SEC24B: variants seen among roughly 807,000 people sequenced by gnomAD.
SEC24B encodes the protein SEC24 homolog B, COPII component, also known as protein transport protein Sec24B.
SEC24B carries 45 observed loss-of-function variants against 142.8 expected under a neutral mutation model. The observed-to-expected ratio is 0.32, with a 90% confidence interval of 0.25 to 0.40. The LOEUF (loss-of-function observed/expected upper bound fraction) is 0.40. Among genes scored for constraint, SEC24B ranks in the 10% least tolerant of loss-of-function variants. SEC24B has a pLI of 1.00. For synonymous variants in SEC24B, 574 were observed against 568.2 expected, an observed-to-expected ratio of 1.01 and a Z score of -0.15; for missense variants, 1,409 against 1,526.8, an observed-to-expected ratio of 0.92 and a Z score of 1.29.
chr4:109,487,467 A>G (rs955464051), intron 4 of SEC24B, among the ~76,000 whole-genome samples: 5 of 152,216 alleles, frequency 3.3e-5, no homozygotes, highest in Non-Finnish European at 7.3e-5. Context: ...AAGGACAAGT[A>G]GAAGCCAAAT....
At chr4:109,495,207 T>A (rs1376974927) in intron 6 of SEC24B, among the ~76,000 whole-genome samples, 1 of 152,240 alleles carries the variant, frequency 6.6e-6, no homozygotes, top group Non-Finnish European at 1.5e-5. Flanking sequence ...AAATTTTATA[T>A]TATCAAGCTG....
chr4:109,521,211 A>G, intron 13 of SEC24B, 39 bp downstream of exon 13: 1 of 1,246,534 alleles, frequency 8.0e-7, no homozygotes, highest in Non-Finnish European at 1.2e-6. Context: ...AAAAATATTT[A>G]TATTGTGACT....
intron 7 of SEC24B, among the ~76,000 whole-genome samples, chr4:109,507,016 C>T (rs941785094): frequency 1.3e-5 from 2 of 152,036 alleles, no homozygotes; most frequent in African/African-American, 4.8e-5. Flanking sequence ...TGAATCTAGA[C>T]TGGATTTCCT....
At chr4:109,536,137 T>C (rs1386200676) in intron 22 of SEC24B, among the ~76,000 whole-genome samples, 1 of 151,974 alleles carries the variant, frequency 6.6e-6, no homozygotes, top group East Asian at 1.9e-4. Flanking sequence ...CAAATGAGGA[T>C]AATAAGAAAA....
At chr4:109,522,866 C>T (rs1221645250) in intron 14 of SEC24B, among the ~76,000 whole-genome samples, 1 of 152,104 alleles carries the variant, frequency 6.6e-6, no homozygotes, top group Non-Finnish European at 1.5e-5. Flanking sequence ...GATTGCTTTT[C>T]AGCTATTAAA....
chr4:109,485,030 A>G (rs1304769501), intron 4 of SEC24B, among the ~76,000 whole-genome samples: 2 of 152,114 alleles, frequency 1.3e-5, no homozygotes, highest in Non-Finnish European at 2.9e-5. Context: ...CAGAGCTAGT[A>G]TGTCTCCCTT....
At chr4:109,464,706 C>A (rs1731676628) in intron 2 of SEC24B, among the ~76,000 whole-genome samples, 1 of 152,102 alleles carries the variant, frequency 6.6e-6, no homozygotes, top group Non-Finnish European at 1.5e-5. Flanking sequence ...ATCTGGATAG[C>A]CATGTGTCAA....
In SEC24B at chr4:109,539,463, T is replaced by C. The variant is rs6850282; in HGVS notation, c.3693-98T>C. 4,185 of 716,000 alleles carry C rather than the reference T, an allele frequency of 5.8e-3. 137 individuals carry two copies. The African/African-American group carries it at 0.067, about 11-fold the overall frequency. 44.4% of individuals were successfully genotyped at this position (716,000 alleles called of 1,614,324 possible). A position where few individuals can be genotyped will look rare whatever the true frequency, so the allele number is the denominator to read the frequency against. On this transcript the variant is annotated intron_variant, in intron 23 of 23. Transcript: ENST00000265175. ...TGCACTTTTATTTTATTTGTATAAA[T>C]TTACAGGATACAAGTGTAATTTTAT... is the stretch of plus-strand genomic sequence containing the variant.
chr4:109,438,822 A>G (rs1728654558), intron 1 of SEC24B, among the ~76,000 whole-genome samples: 1 of 152,124 alleles, frequency 6.6e-6, no homozygotes, highest in South Asian at 2.1e-4. Flanking sequence ...TTGTATTTCT[A>G]TCCTTCATTT....
chr4:109,521,133 A>G lies in SEC24B; in HGVS notation c.2262A>G (p.Thr754=). 6.6e-7 allele frequency: 1 copy of G among 1,516,116 alleles called. No homozygotes were observed. Among genetic ancestry groups the G allele is most frequent in the Non-Finnish European group, 9.1e-7 (1 of 1,095,034 alleles). The allele number at this position is 1,516,116 out of a possible 1,614,324, so 93.9% of individuals were successfully genotyped here. A position where few individuals can be genotyped will look rare whatever the true frequency, so the allele number is the denominator to read the frequency against. ...VSDIDDVFLP[T]PDSLLVNLYE... Reference sequence around the variant, plus strand: ...TCCCTATAGATGTTTTTCTACCTACACCGGATAGTTTACTTGTGAATCTAT... The same window carrying G: ...TCCCTATAGATGTTTTTCTACCTACGCCGGATAGTTTACTTGTGAATCTAT... Residue 754 remains threonine, a synonymous_variant, in exon 13 of 24, where the codon ACA becomes ACG. Coordinates refer to ENST00000265175, the MANE Select transcript of SEC24B (RefSeq NM_006323.5).
Position 109,533,689 on chromosome 4 carries a change from A to C in SEC24B, c.3588+4A>C, listed in dbSNP as rs756744269. ...TGCATCAATACCACAGAAAATGGTC[A>C]GTAGATTTTATACACCTTTAACTTT... On this transcript the variant is annotated splice_donor_region_variant and intron_variant, in intron 22 of 23. Transcript: ENST00000265175. The C allele has an allele frequency of 6.5e-7, 1 of 1,546,166 alleles. No individual in the cohort carries two copies. Among genetic ancestry groups the C allele is most frequent in the East Asian group, 2.3e-5 (1 of 44,432 alleles).
At position 109,530,440 on chromosome 4, in the gene SEC24B, C is replaced by A. The variant is rs191556752; in HGVS notation, c.3228C>A (p.Leu1076=). Residue 1076 remains leucine (L), a synonymous_variant, in exon 19 of 24, where the codon CTC becomes CTA. Transcript: ENST00000265175. ...CCAGCTCCCTCAAGTTGTTTCCTCT[C>A]TATGTTTTGGCCCTTCTCAAACAGG... ...MAPSSLKLFP[L]YVLALLKQKA... The A allele has an allele frequency of 6.2e-7, 1 of 1,613,920 alleles. No homozygotes were observed. The highest frequency in any genetic ancestry group is 8.5e-7 in the Non-Finnish European group (1 of 1,179,908).
At chr4:109,443,444 G>A (rs1729119308) in intron 1 of SEC24B, among the ~76,000 whole-genome samples, 1 of 152,142 alleles carries the variant, frequency 6.6e-6, no homozygotes, top group African/African-American at 2.4e-5. Flanking sequence ...ATCTCACTGT[G>A]TTGCCTGGGA....
At chr4:109,524,787 C>A in intron 14 of SEC24B, 31 bp from the exon 15 acceptor site, 1 of 1,581,056 alleles carries the variant, frequency 6.3e-7, no homozygotes, top group African/African-American at 1.4e-5. Flanking sequence ...ATAAAGATTG[C>A]TAGCTCTTAC....
chr4:109,484,665 A>G (rs1410826298), intron 4 of SEC24B, among the ~76,000 whole-genome samples: 2 of 152,150 alleles, frequency 1.3e-5, no homozygotes, highest in Admixed American at 1.3e-4. Flanking sequence ...AGCCTGGCCA[A>G]CATGGTGAAA....
At chr4:109,443,945 C>T (rs572131263) in intron 1 of SEC24B, among the ~76,000 whole-genome samples, 9 of 151,964 alleles carry the variant, frequency 5.9e-5, no homozygotes, top group African/African-American at 1.7e-4. Flanking sequence ...GGTTTGGGCC[C>T]GGTGTGGTGG....
intron 5 of SEC24B, among the ~76,000 whole-genome samples, chr4:109,491,759 G>A (rs1263259616): frequency 6.6e-6 from 1 of 151,810 alleles, no homozygotes; most frequent in Non-Finnish European, 1.5e-5. Context: ...TTTTCAACCA[G>A]CCTCTGAGTA....
intron 4 of SEC24B, among the ~76,000 whole-genome samples, chr4:109,490,294 T>C (rs1448034418): frequency 6.6e-6 from 1 of 150,576 alleles, no homozygotes; most frequent in African/African-American, 2.5e-5. Context: ...TCAGCTATTA[T>C]GCCCTGAGTC....
At chr4:109,516,216 G>T (rs916860018) in intron 10 of SEC24B, among the ~76,000 whole-genome samples, 1 of 152,126 alleles carries the variant, frequency 6.6e-6, no homozygotes, top group African/African-American at 2.4e-5. Context: ...CATCTAGAGA[G>T]CTTAGTATTA....
Sources: gnomAD v4.1 joint callset for allele counts (sites outside exome capture counted in the v4.1 genomes callset) on GRCh38, gnomAD v4.1.1 for gene constraint, MANE v1.5 for transcripts, NCBI Gene and HGNC (gene_info 2026-07-23, HGNC 2026-07-21) for gene names.